Variants in GYPC observed in about 807,000 individuals in gnomAD.
The protein encoded by GYPC is glycophorin-C.
Under a neutral mutation model 12.6 loss-of-function variants are expected in GYPC, and 14 were observed. That is an observed-to-expected ratio of 1.11 (90% CI 0.74 to 1.74). The LOEUF (loss-of-function observed/expected upper bound fraction) is 1.74, where lower values mean the gene tolerates loss of function less well. Ranked by LOEUF, GYPC falls within the 40% of genes most tolerant of loss-of-function variation. The probability of loss-of-function intolerance (pLI) is 0.00; values close to 1 mark genes in which losing one functional copy is unlikely to be tolerated. For missense variants in GYPC, 225 were observed against 172.1 expected, an observed-to-expected ratio of 1.31 and a Z score of -1.72; for synonymous variants, 78 against 62.1, an observed-to-expected ratio of 1.26 and a Z score of -1.20.
intron 1 of GYPC, among the ~76,000 whole-genome samples, chr2:126,657,356 A>T (rs1311836993): frequency 6.6e-6 from 1 of 152,186 alleles, no homozygotes; most frequent in East Asian, 1.9e-4. Context: ...CTGCACTGGG[A>T]TCATCTGCAC....
chr2:126,684,509 C>T (rs555506642), intron 1 of GYPC, among the ~76,000 whole-genome samples: 1 of 152,266 alleles, frequency 6.6e-6, no homozygotes, highest in South Asian at 2.1e-4. Flanking sequence ...GCATTGCCCA[C>T]CCACTATCTC....
intron 1 of GYPC, among the ~76,000 whole-genome samples, chr2:126,664,274 A>G (rs1244351536): frequency 6.6e-6 from 1 of 151,932 alleles, no homozygotes. Context: ...TGGTGACAGT[A>G]GCCCTGTCTC....
chr2:126,658,918 A>G (rs1187741000), intron 1 of GYPC, among the ~76,000 whole-genome samples: 2 of 152,186 alleles, frequency 1.3e-5, no homozygotes, highest in African/African-American at 4.8e-5. Context: ...TCCTGTGACA[A>G]TGAGTAAGGA....
intron 2 of GYPC, among the ~76,000 whole-genome samples, chr2:126,691,147 A>C (rs1414077356): frequency 2.6e-5 from 4 of 152,210 alleles, no homozygotes; most frequent in Non-Finnish European, 5.9e-5. Context: ...ACTTGGGAGC[A>C]GTTTCAGACT....
chr2:126,660,896 G>A (rs910131673), intron 1 of GYPC, among the ~76,000 whole-genome samples: 1 of 152,026 alleles, frequency 6.6e-6, no homozygotes, highest in Non-Finnish European at 1.5e-5. Flanking sequence ...CCCAGCTGGG[G>A]TTCATTTTCA....
At chr2:126,688,625 G>A (rs957498470) in intron 1 of GYPC, among the ~76,000 whole-genome samples, 2 of 152,124 alleles carry the variant, frequency 1.3e-5, no homozygotes, top group Non-Finnish European at 2.9e-5. Context: ...AGAGTTCACT[G>A]GGTCTCTTGG....
intron 1 of GYPC, among the ~76,000 whole-genome samples, chr2:126,671,529 T>A (rs1341258353): frequency 6.6e-6 from 1 of 152,178 alleles, no homozygotes; most frequent in Non-Finnish European, 1.5e-5. Context: ...ATCATTAGAT[T>A]TGGAGATGGA....
chr2:126,677,170 G>A (rs1165700781), intron 1 of GYPC, among the ~76,000 whole-genome samples: 4 of 152,114 alleles, frequency 2.6e-5, no homozygotes, highest in African/African-American at 9.7e-5. Context: ...ATGTGGAAAA[G>A]TGTGAGAGGA....
intron 1 of GYPC, among the ~76,000 whole-genome samples, chr2:126,660,411 C>T (rs28387094): frequency 0.48 from 73,707 of 152,012 alleles, 19,199 homozygotes; most frequent in East Asian, 0.64. Flanking sequence ...CCTCTCACAA[C>T]TGTTCACGAC....
chr2:126,695,239 A>G (rs1399226215), intron 3 of GYPC, among the ~76,000 whole-genome samples: 2 of 152,174 alleles, frequency 1.3e-5, no homozygotes, highest in African/African-American at 4.8e-5. Context: ...GTTTTCTGGG[A>G]CTTTCCTGGT....
chr2:126,687,116 C>T (rs536762871), intron 1 of GYPC, among the ~76,000 whole-genome samples: 3 of 152,248 alleles, frequency 2.0e-5, no homozygotes, highest in East Asian at 3.9e-4. Context: ...CAGAGGCTTC[C>T]GGAGCCTTGG....
At chr2:126,667,274 G>A (rs781117728) in intron 1 of GYPC, among the ~76,000 whole-genome samples, 1 of 152,268 alleles carries the variant, frequency 6.6e-6, no homozygotes, top group Admixed American at 6.5e-5. Flanking sequence ...GAATCCCTCT[G>A]GAGTGTATCA....
intron 1 of GYPC, among the ~76,000 whole-genome samples, chr2:126,682,383 C>T (rs1342781231): frequency 2.0e-5 from 3 of 152,094 alleles, no homozygotes; most frequent in Non-Finnish European, 4.4e-5. Context: ...GACCAGACCC[C>T]GGCACAAGGG....
At chr2:126,679,454 T>A (rs988797578) in intron 1 of GYPC, among the ~76,000 whole-genome samples, 1 of 151,800 alleles carries the variant, frequency 6.6e-6, no homozygotes, top group Admixed American at 6.6e-5. Context: ...GGCAGGTGTG[T>A]AGAGAAAGAA....
chr2:126,687,171 G>A (rs1016320394), intron 1 of GYPC, among the ~76,000 whole-genome samples: 1 of 152,178 alleles, frequency 6.6e-6, no homozygotes, highest in South Asian at 2.1e-4. Context: ...CTGAGAAGTG[G>A]GGAGAGCTGC....
intron 1 of GYPC, among the ~76,000 whole-genome samples, chr2:126,666,654 G>A (rs1410195351): frequency 1.3e-5 from 2 of 151,398 alleles, no homozygotes; most frequent in Non-Finnish European, 2.9e-5. Context: ...GTCATTGCAA[G>A]TAAGAAACTG....
intron 1 of GYPC, among the ~76,000 whole-genome samples, chr2:126,679,095 G>A (rs188975030): frequency 6.6e-6 from 1 of 152,324 alleles, no homozygotes; most frequent in East Asian, 1.9e-4. Context: ...GCAATTATAT[G>A]ATTTTTTAAA....
At chr2:126,682,757 T>A (rs895816068) in intron 1 of GYPC, among the ~76,000 whole-genome samples, 1 of 152,140 alleles carries the variant, frequency 6.6e-6, no homozygotes, top group Non-Finnish European at 1.5e-5. Context: ...CTTTCAACAG[T>A]CTGGGCGTTG....
intron 1 of GYPC, among the ~76,000 whole-genome samples, chr2:126,688,446 A>G (rs576744252): frequency 7.2e-5 from 11 of 152,338 alleles, no homozygotes; most frequent in East Asian, 3.9e-4. Context: ...AGTACCTACT[A>G]TGAGCTAGAT....
Sources: allele counts gnomAD v4.1 joint callset (sites outside exome capture counted in the v4.1 genomes callset), GRCh38; gene constraint gnomAD v4.1.1; transcripts MANE v1.5; gene names NCBI Gene and HGNC (gene_info 2026-07-23, HGNC 2026-07-21).